The following DTL variants were observed in gnomAD, a reference collection of about 807,000 sequenced individuals.
DTL encodes the protein denticleless E3 ubiquitin protein ligase adapter, also known as denticleless protein homolog.
DTL carries 46 observed loss-of-function variants against 87.0 expected under a neutral mutation model. That is an observed-to-expected ratio of 0.53 (90% CI 0.42 to 0.68). The LOEUF is 0.68. Ranked by LOEUF, DTL falls within the 30% of genes least tolerant of loss-of-function variation. The pLI is 0.00. For synonymous variants in DTL, 308 were observed against 311.2 expected (o/e 0.99, Z 0.11); for missense variants, 737 against 869.4 (o/e 0.85, Z 1.91).
rs547434751 is a variant in DTL at position 212,054,483 on chromosome 1, C to A, written c.460+7066C>A. Among the ~76,000 whole-genome samples the A allele has an allele frequency of 6.8e-4, 103 of 151,576 alleles. 2 individuals carry two copies. The highest frequency in any genetic ancestry group is 4.4e-5 in the Non-Finnish European group (3 of 67,904). ...ATTTGCTAAAGATGTTGACTCTCCT[C>A]CAAAAATTGCATGTTTAAGAGGAAA... On this transcript the variant is annotated intron_variant, in intron 5 of 14. Transcript: ENST00000366991.
At chr1:212,071,176 C>T (rs1002641321) in intron 10 of DTL, among the ~76,000 whole-genome samples, 1 of 152,150 alleles carries the variant, frequency 6.6e-6, no homozygotes, top group Non-Finnish European at 1.5e-5. Context: ...CAGCTTTATT[C>T]TAGAAAATGG....
At chr1:212,096,331 C>A (rs900162281) in intron 13 of DTL, among the ~76,000 whole-genome samples, 3 of 145,108 alleles carry the variant, frequency 2.1e-5, no homozygotes, top group African/African-American at 7.8e-5. Flanking sequence ...CTTTTTGTTT[C>A]ATTTATCTTT....
chr1:212,063,898 T>G (rs1471277872), intron 6 of DTL, among the ~76,000 whole-genome samples: 3 of 150,118 alleles, frequency 2.0e-5, no homozygotes, highest in East Asian at 2.0e-4. Flanking sequence ...GTTTCTTGTT[T>G]TTTTTTTTTT....
chr1:212,057,587 CACAA>C (rs1402605922), intron 5 of DTL, among the ~76,000 whole-genome samples: 1 of 152,008 alleles, frequency 6.6e-6, no homozygotes, highest in Admixed American at 6.5e-5. Flanking sequence ...TAAGCAAACA[CACAA>C]ACAAGAAAGA....
intron 13 of DTL, among the ~76,000 whole-genome samples, chr1:212,094,037 C>T (rs1263912300): frequency 6.6e-6 from 1 of 152,180 alleles, no homozygotes; most frequent in Non-Finnish European, 1.5e-5. Flanking sequence ...AAGACTTTCT[C>T]CCACTCTGTG....
intron 13 of DTL, among the ~76,000 whole-genome samples, chr1:212,092,627 G>C (rs369320468): frequency 2.0e-3 from 303 of 152,002 alleles, no homozygotes; most frequent in African/African-American, 6.6e-3. Flanking sequence ...AGTATTCCCT[G>C]GTATATATAT....
In DTL at chr1:212,035,951, C is replaced by T. The variant is rs760008177; in HGVS notation, c.52+9C>T. 1.2e-6 allele frequency: 2 copies of T among 1,613,810 alleles called. No individual in the cohort carries two copies. The highest frequency in any genetic ancestry group is 1.1e-5 in the South Asian group (1 of 91,076). ...TGGCGTCCTGAGAAATGGTGAGTAACGGTCCCAACCGCTGCTCGGAGCTGG... is the reference window on the plus strand; with the variant it reads ...TGGCGTCCTGAGAAATGGTGAGTAATGGTCCCAACCGCTGCTCGGAGCTGG... On this transcript the variant is annotated intron_variant, in intron 1 of 14. Coordinates refer to ENST00000366991, the MANE Select transcript of DTL (RefSeq NM_016448.4).
chr1:212,069,470 A>G (rs1212466098), intron 10 of DTL, among the ~76,000 whole-genome samples: 1 of 152,158 alleles, frequency 6.6e-6, no homozygotes, highest in Non-Finnish European at 1.5e-5. Flanking sequence ...ACTAAAGTAA[A>G]AAGTGCTGAT....
At chr1:212,068,727 C>G (rs770376180) in intron 10 of DTL, 24 bp downstream of exon 10, 8 of 1,460,056 alleles carry the variant, frequency 5.5e-6, no homozygotes, top group Non-Finnish European at 7.6e-6. Flanking sequence ...CATTCAAATT[C>G]TCTTACCAGG....
intron 7 of DTL, 129 bp downstream of exon 7, chr1:212,065,158 A>C (rs1654453790): frequency 4.7e-6 from 3 of 639,612 alleles, no homozygotes; most frequent in Non-Finnish European, 7.9e-6. Context: ...TTGCTTATTC[A>C]GTACCTACAT....
chr1:212,081,016 A>G (rs967838601), intron 13 of DTL, among the ~76,000 whole-genome samples: 1 of 152,180 alleles, frequency 6.6e-6, no homozygotes, highest in Non-Finnish European at 1.5e-5. Context: ...CTAGGGATTC[A>G]GCAATGAACA....
chr1:212,095,020 A>G (rs1489533997), intron 13 of DTL, among the ~76,000 whole-genome samples: 2 of 152,158 alleles, frequency 1.3e-5, no homozygotes, highest in East Asian at 1.9e-4. Flanking sequence ...TAGGTATACA[A>G]TCATATCATT....
Position 212,066,855 on chromosome 1 carries a change from A to G in DTL, c.683A>G (p.Asn228Ser). The G allele has an allele frequency of 6.2e-7, 1 of 1,614,018 alleles. No homozygotes were observed. Among genetic ancestry groups the G allele is most frequent in the Non-Finnish European group, 8.5e-7 (1 of 1,179,904 alleles). The change falls in exon 8 of 15, where the codon AAT becomes AGT. Residue 228 changes from asparagine (N) to serine (S), a missense_variant. By Grantham distance (46) the Asn-to-Ser change is conservative. Transcript: ENST00000366991. ...ACTGTGGTCCTCTTTCAAGACGAGA[A>G]TACCTTAGTCTCAGCAGGAGCTGTG... Reference protein sequence around the residue: ...SVTVVLFQDENTLVSAGAVDG... With the variant: ...SVTVVLFQDESTLVSAGAVDG...
At chr1:212,066,185 G>A (rs942862384) in intron 7 of DTL, among the ~76,000 whole-genome samples, 11 of 151,814 alleles carry the variant, frequency 7.2e-5, no homozygotes, top group Non-Finnish European at 2.9e-5. Flanking sequence ...TAGGGTACAA[G>A]TTAATATTTT....
chr1:212,046,061 C>T (rs1571941161), intron 3 of DTL, among the ~76,000 whole-genome samples: 1 of 152,062 alleles, frequency 6.6e-6, no homozygotes, highest in African/African-American at 2.4e-5. Flanking sequence ...CAGGTGTTAG[C>T]CACTGTGCCC....
chr1:212,048,700 AAAT>A (rs944276974), intron 5 of DTL, among the ~76,000 whole-genome samples: 1 of 151,960 alleles, frequency 6.6e-6, no homozygotes, highest in African/African-American at 2.4e-5. Context: ...GTTTCTCACT[AAAT>A]AATTTTTTTT....
At position 212,096,162 on chromosome 1, in the gene DTL, G is replaced by A. The variant is rs1309639199; in HGVS notation, c.1262-4090G>A. ...TTTTCTAGTTTGTGAGCACAAATGT[G>A]TTCATAGTAGCCTTGAATGATCTTT... On this transcript the variant is annotated intron_variant, in intron 13 of 14. Transcript: ENST00000366991. Among the ~76,000 whole-genome samples the A allele has an allele frequency of 2.6e-5, 4 of 152,110 alleles. No individual in the cohort carries two copies. In the East Asian group the frequency reaches 7.7e-4, roughly 29 times the overall value.
chr1:212,072,717 G>A (rs1243855620), intron 11 of DTL, among the ~76,000 whole-genome samples: 1 of 149,508 alleles, frequency 6.7e-6, no homozygotes, highest in Non-Finnish European at 1.5e-5. Flanking sequence ...AGATATGGCT[G>A]CTTTATCAGA....
At chr1:212,046,320 C>G (rs1236890806) in intron 3 of DTL, among the ~76,000 whole-genome samples, 1 of 152,156 alleles carries the variant, frequency 6.6e-6, no homozygotes, top group Non-Finnish European at 1.5e-5. Context: ...GGTACATGTG[C>G]AGGACATGCA....
Sources: gnomAD v4.1 joint callset for allele counts (sites outside exome capture counted in the v4.1 genomes callset) on GRCh38, gnomAD v4.1.1 for gene constraint, MANE v1.5 for transcripts, NCBI Gene and HGNC (gene_info 2026-07-23, HGNC 2026-07-21) for gene names.